Variants in SLC25A26 observed in about 807,000 individuals in gnomAD.
The protein encoded by SLC25A26 is mitochondrial S-adenosylmethionine carrier protein.
Under a neutral mutation model 37.8 loss-of-function variants are expected in SLC25A26, and 36 were observed. The ratio of observed to expected loss-of-function variants is 0.95; its 90% CI spans 0.73 to 1.26. The LOEUF (loss-of-function observed/expected upper bound fraction) is 1.26, where lower values mean the gene tolerates loss of function less well. SLC25A26 is among the 50% of genes most tolerant of loss of function. The probability of loss-of-function intolerance (pLI) is 0.00; values close to 1 mark genes in which losing one functional copy is unlikely to be tolerated. For missense variants in SLC25A26, 390 were observed against 331.1 expected, an observed-to-expected ratio of 1.18 and a Z score of -1.38; for synonymous variants, 129 against 122.5, an observed-to-expected ratio of 1.05 and a Z score of -0.35.
At chr3:66,360,420 G>A (rs2076670511) in intron 6 of SLC25A26, among the ~76,000 whole-genome samples, 2 of 152,072 alleles carry the variant, frequency 1.3e-5, no homozygotes, top group African/African-American at 2.4e-5. Context: ...AACAATAAAA[G>A]TTACCTTAAT....
rs201972062 is a variant in SLC25A26, at chr3:66,245,785, A to AT, written c.300+2482dup. 4.5e-3 allele frequency among the ~76,000 whole-genome samples: 680 copies of AT among 151,874 alleles called. 3 individuals carry two copies. The highest frequency in any genetic ancestry group is 0.014 in the African/African-American group (574 of 41,408). ...AAAAGTAAAAGTTAACATGAAGAAG[A>AT]TTTTTTTTTAAAGAAACCAGCTTTA... On this transcript the variant is annotated intron_variant, in intron 3 of 9. Coordinates refer to ENST00000354883, the MANE Select transcript of SLC25A26 (RefSeq NM_001379210.1).
intron 5 of SLC25A26, among the ~76,000 whole-genome samples, chr3:66,284,818 G>A (rs969835892): frequency 5.3e-5 from 8 of 152,140 alleles, no homozygotes; most frequent in South Asian, 4.1e-4. Context: ...AAAACACGGC[G>A]AAAGGTTAAT....
At chr3:66,255,161 A>G (rs1310134497) in intron 3 of SLC25A26, among the ~76,000 whole-genome samples, 1 of 152,154 alleles carries the variant, frequency 6.6e-6, no homozygotes, top group Non-Finnish European at 1.5e-5. Context: ...GTTTTTGTTT[A>G]AAGAGACAGG....
intron 5 of SLC25A26, among the ~76,000 whole-genome samples, chr3:66,313,889 A>G (rs1263148020): frequency 2.6e-5 from 4 of 152,046 alleles, no homozygotes; most frequent in Admixed American, 6.6e-5. Context: ...GCAATTGTGA[A>G]TGGGAGTTCA....
At chr3:66,159,206 G>A (rs2070323769) in intron 1 of SLC25A26, among the ~76,000 whole-genome samples, 1 of 152,230 alleles carries the variant, frequency 6.6e-6, no homozygotes, top group South Asian at 2.1e-4. Context: ...CACTGGGACA[G>A]TGTACATAAG....
At chr3:66,290,503 T>C (rs2074668596) in intron 5 of SLC25A26, among the ~76,000 whole-genome samples, 1 of 152,206 alleles carries the variant, frequency 6.6e-6, no homozygotes, top group South Asian at 2.1e-4. Flanking sequence ...ATGCCTGGTT[T>C]ATTGAGAGTT....
chr3:66,333,869 C>A (rs1224595291), intron 5 of SLC25A26, among the ~76,000 whole-genome samples: 1 of 152,152 alleles, frequency 6.6e-6, no homozygotes, highest in Non-Finnish European at 1.5e-5. Context: ...ACTCCAGTTC[C>A]CTCCTCTGTA....
chr3:66,341,865 C>T (rs1048500306), intron 5 of SLC25A26, among the ~76,000 whole-genome samples: 3 of 152,028 alleles, frequency 2.0e-5, no homozygotes, highest in African/African-American at 7.2e-5. Flanking sequence ...TATTGGAATT[C>T]TTTCCTGCTA....
chr3:66,166,805 G>T (rs2070430931), intron 1 of SLC25A26, among the ~76,000 whole-genome samples: 1 of 152,136 alleles, frequency 6.6e-6, no homozygotes, highest in African/African-American at 2.4e-5. Context: ...CCTCGTCAAT[G>T]ATGATATAGT....
intron 5 of SLC25A26, among the ~76,000 whole-genome samples, chr3:66,322,396 A>T (rs1472429018): frequency 6.6e-6 from 1 of 152,246 alleles, no homozygotes; most frequent in Non-Finnish European, 1.5e-5. Flanking sequence ...GGATAAAAAT[A>T]AAAATTCGAT....
chr3:66,213,517 G>C (rs2071316128), intron 1 of SLC25A26, among the ~76,000 whole-genome samples: 1 of 147,688 alleles, frequency 6.8e-6, no homozygotes, highest in East Asian at 2.0e-4. Context: ...TGAGCAGAAA[G>C]TACGGAGATT....
chr3:66,216,727 C>T (rs2071367210), upstream of SLC25A26, among the ~76,000 whole-genome samples: 1 of 151,358 alleles, frequency 6.6e-6, no homozygotes, highest in Admixed American at 6.6e-5. Context: ...TAAAAGAAAA[C>T]TTGGCTTACA....
intron 3 of SLC25A26, among the ~76,000 whole-genome samples, chr3:66,260,245 G>T (rs950568812): frequency 6.6e-6 from 1 of 152,032 alleles, no homozygotes; most frequent in Admixed American, 6.6e-5. Context: ...TGTATTTGCG[G>T]GTTCTTTGAA....
intron 1 of SLC25A26, among the ~76,000 whole-genome samples, chr3:66,173,215 C>A (rs971508243): frequency 6.6e-6 from 1 of 152,192 alleles, no homozygotes; most frequent in Non-Finnish European, 1.5e-5. Context: ...GGATCACATA[C>A]CTGTCACCAA....
chr3:66,166,534 T>C (rs1305134288), intron 1 of SLC25A26, among the ~76,000 whole-genome samples: 2 of 152,244 alleles, frequency 1.3e-5, no homozygotes, highest in Non-Finnish European at 2.9e-5. Context: ...CTTATCTGTC[T>C]TTTGGAATGG....
intron 1 of SLC25A26, among the ~76,000 whole-genome samples, chr3:66,187,900 C>T (rs1189236257): frequency 2.0e-5 from 3 of 152,030 alleles, no homozygotes; most frequent in Non-Finnish European, 2.9e-5. Context: ...CCCTGAACAT[C>T]GTCATGACGC....
chr3:66,262,217 C>G (rs972492034), intron 4 of SLC25A26, 62 bp downstream of exon 4: 1 of 840,522 alleles, frequency 1.2e-6, no homozygotes, highest in Admixed American at 3.0e-5. Context: ...CTAATACGAA[C>G]ACTGTGGATT....
intron 1 of SLC25A26, among the ~76,000 whole-genome samples, chr3:66,166,324 A>G (rs1024600431): frequency 6.6e-6 from 1 of 152,226 alleles, no homozygotes; most frequent in African/African-American, 2.4e-5. Flanking sequence ...GAAGTAGCAG[A>G]TTTTTCCTTC....
At chr3:66,373,561 C>T (rs1325542737) in intron 9 of SLC25A26, among the ~76,000 whole-genome samples, 2 of 152,158 alleles carry the variant, frequency 1.3e-5, no homozygotes, top group Non-Finnish European at 2.9e-5. Context: ...GCCTGTCTAG[C>T]ACTCTTTCCT....
Sources: allele counts gnomAD v4.1 joint callset (sites outside exome capture counted in the v4.1 genomes callset), GRCh38; gene constraint gnomAD v4.1.1; transcripts MANE v1.5; gene names NCBI Gene and HGNC (gene_info 2026-07-23, HGNC 2026-07-21).